The following RTN3 variants were observed in gnomAD, a reference collection of about 807,000 sequenced individuals.
RTN3 encodes reticulon-3.
RTN3 carries 49 observed loss-of-function variants against 77.8 expected under a neutral mutation model. The observed-to-expected ratio is 0.63, with a 90% CI of 0.50 to 0.80. The LOEUF is 0.80. Among genes scored for constraint, RTN3 ranks in the 30% least tolerant of loss-of-function variants. RTN3 has a pLI of 0.00. For missense variants in RTN3, 1,236 were observed against 1,211.9 expected (o/e 1.02, Z -0.29); for synonymous variants, 464 against 446.9 (o/e 1.04, Z -0.48).
At chr11:63,755,870 A>G (rs1389594307) in intron 7 of RTN3, among the ~76,000 whole-genome samples, 1 of 151,700 alleles carries the variant, frequency 6.6e-6, no homozygotes, top group African/African-American at 2.4e-5. Context: ...GAGGCAGGAG[A>G]ATGGCGTGAA....
chr11:63,756,183 A>G lies in RTN3; in HGVS notation c.3053+13A>G. On this transcript the variant is annotated intron_variant, in intron 8 of 8. Transcript: ENST00000377819. ...CAATTGTTGAAAAGTAAGTACATTT[A>G]GAGACCACATCATCATGAGGTATGC... is the stretch of plus-strand genomic sequence containing the variant. 6.3e-7 allele frequency: 1 copy of G among 1,587,936 alleles called. No homozygotes were observed. The highest frequency in any genetic ancestry group is 8.6e-7 in the Non-Finnish European group (1 of 1,156,154).
rs372106058 is a variant in RTN3 at position 63,728,024 on chromosome 11, A to G, written c.2530+6992A>G. ...GGCCAGTGATTTGCTAGAAGGACCC[A>G]TAGGACTCATAAACTGTAAACTAGC... On this transcript the variant is annotated intron_variant, in intron 3 of 8. Coordinates refer to ENST00000377819, the MANE Select transcript of RTN3 (RefSeq NM_001265589.2). Among the ~76,000 whole-genome samples, 474 of 152,312 alleles carry G rather than the reference A, an allele frequency of 3.1e-3. 24 individuals carry two copies. The South Asian group carries it at 0.092, about 30-fold the overall frequency.
intron 3 of RTN3, among the ~76,000 whole-genome samples, chr11:63,723,929 G>A (rs1039371709): frequency 3.3e-5 from 5 of 152,110 alleles, no homozygotes; most frequent in African/African-American, 1.2e-4. Context: ...TATTATAGTT[G>A]GTTGCTGAGT....
At chr11:63,743,406 G>A (rs572489700) in intron 3 of RTN3, among the ~76,000 whole-genome samples, 10 of 152,258 alleles carry the variant, frequency 6.6e-5, no homozygotes, top group African/African-American at 2.2e-4. Context: ...TTTCTCAAAT[G>A]CTTTTTTCTG....
At chr11:63,688,209 A>G (rs1266139067) in intron 1 of RTN3, among the ~76,000 whole-genome samples, 1 of 151,614 alleles carries the variant, frequency 6.6e-6, no homozygotes, top group East Asian at 1.9e-4. Flanking sequence ...TCCAAGAATA[A>G]GAAGTGTGTT....
intron 2 of RTN3, among the ~76,000 whole-genome samples, chr11:63,711,532 G>A (rs2134766355): frequency 6.6e-6 from 1 of 151,712 alleles, no homozygotes; most frequent in South Asian, 2.1e-4. Flanking sequence ...TGGAACCACA[G>A]GCGTGTGCCA....
chr11:63,713,846 A>G lies in RTN3; in HGVS notation c.200-4856A>G, dbSNP rs144868512. 1,172 of 317,486 alleles carry G rather than the reference A, an allele frequency of 3.7e-3. 9 individuals carry two copies. Among genetic ancestry groups the G allele is most frequent in the African/African-American group, 0.023 (1,040 of 45,960 alleles). The allele number at this position is 317,486 out of a possible 1,614,324, so 19.7% of individuals were successfully genotyped here. A position where few individuals can be genotyped will look rare whatever the true frequency, so the allele number is the denominator to read the frequency against. ...AGGGATGAATCTTTTGAGAAAAGAA[A>G]GATAGTAGACATTTTCTGAGACATA... On this transcript the variant is annotated intron_variant, in intron 2 of 8. Coordinates refer to ENST00000377819, the MANE Select transcript of RTN3 (RefSeq NM_001265589.2).
At chr11:63,706,208 G>T (rs1356600430) in intron 2 of RTN3, among the ~76,000 whole-genome samples, 1 of 151,964 alleles carries the variant, frequency 6.6e-6, no homozygotes, top group Non-Finnish European at 1.5e-5. Context: ...TTGAGATAGG[G>T]TCTCACTCTG....
Position 63,711,985 on chromosome 11 carries a change from C to T in RTN3, c.200-6717C>T, listed in dbSNP as rs2011171698. On this transcript the variant is annotated intron_variant, in intron 2 of 8. Transcript: ENST00000377819. Reference sequence around the variant, plus strand: ...GTGTTGACATTACAGGCATGAGCCACTATGCCAGGCTGGGCTCTCAAGCAT... The same window carrying T: ...GTGTTGACATTACAGGCATGAGCCATTATGCCAGGCTGGGCTCTCAAGCAT... Among the ~76,000 whole-genome samples, 3 of 152,348 alleles carry T rather than the reference C, an allele frequency of 2.0e-5. No homozygotes were observed. In the South Asian group the frequency reaches 6.2e-4, roughly 32 times the overall value.
intron 1 of RTN3, 84 bp downstream of exon 1, chr11:63,681,862 G>T: frequency 7.2e-7 from 1 of 1,382,582 alleles, no homozygotes; most frequent in South Asian, 1.4e-5. Flanking sequence ...CGAGGCGGGA[G>T]GAGGACGAAT....
In RTN3 at chr11:63,752,510, C is replaced by G. The variant is rs769575391; in HGVS notation, c.2742C>G (p.Ala914=). Residue 914 remains alanine, a synonymous_variant, in exon 5 of 9, where the codon GCC becomes GCG. Coordinates refer to ENST00000377819, the MANE Select transcript of RTN3 (RefSeq NM_001265589.2). ...QKSEEGHPFK[A]YLDVDITLSS... ...CTGTTATTTCTTCTTCTGGAAGAGC[C>G]TACCTGGACGTAGACATTACTCTGT... The G allele has an allele frequency of 6.2e-7, 1 of 1,612,724 alleles. No individual in the cohort carries two copies. The highest frequency in any genetic ancestry group is 1.7e-5 in the Admixed American group (1 of 59,958).
At chr11:63,734,914 C>A (rs1404866067) in intron 3 of RTN3, among the ~76,000 whole-genome samples, 2 of 152,062 alleles carry the variant, frequency 1.3e-5, no homozygotes, top group African/African-American at 4.8e-5. Context: ...CCTAAGAAAT[C>A]CACAAAACAA....
chr11:63,696,701 A>G (rs1941961143), intron 1 of RTN3, among the ~76,000 whole-genome samples: 2 of 149,866 alleles, frequency 1.3e-5, no homozygotes, highest in African/African-American at 2.5e-5. Flanking sequence ...GCCTGCCTCC[A>G]CACCCAGCTA....
chr11:63,720,453 C>A lies in RTN3; in HGVS notation c.1951C>A (p.Pro651Thr), dbSNP rs191736847. 6.2e-7 allele frequency: 1 copy of A among 1,612,896 alleles called. No individual in the cohort carries two copies. Among genetic ancestry groups the A allele is most frequent in the East Asian group, 2.2e-5 (1 of 44,856 alleles). ...TGTTAAACATATAGATGATTCCTCC[C>A]CAGAGGACCTGATAGCAGCCTTTAC... ...KNVKHIDDSS[P>T]EDLIAAFTET... The change falls in exon 3 of 9, where the codon CCA (proline) becomes ACA (threonine). Residue 651 changes from proline (P) to threonine (T), a missense_variant. Coordinates refer to ENST00000377819, the MANE Select transcript of RTN3 (RefSeq NM_001265589.2).
intron 1 of RTN3, among the ~76,000 whole-genome samples, chr11:63,699,767 G>T (rs1485571930): frequency 2.0e-5 from 3 of 152,072 alleles, no homozygotes. Context: ...ATTTACCATA[G>T]TGGCTGTCTC....
chr11:63,704,837 A>G lies in RTN3; in HGVS notation c.143-14A>G. 3.1e-6 allele frequency: 5 copies of G among 1,593,562 alleles called. No homozygotes were observed. Among genetic ancestry groups the G allele is most frequent in the Non-Finnish European group, 3.4e-6 (4 of 1,161,684 alleles). ...TGAGGTTGTCATATTCTCATGCTGT[A>G]TATTTTCTTTCAGATTCCTTTGTTT... is the stretch of plus-strand genomic sequence containing the variant. On this transcript the variant is annotated splice_polypyrimidine_tract_variant and intron_variant, in intron 1 of 8. Coordinates refer to ENST00000377819, the MANE Select transcript of RTN3 (RefSeq NM_001265589.2).
In RTN3 at chr11:63,735,563, T is replaced by TCTCTCTCC. The variant is rs1344955077; in HGVS notation, c.2531-14421_2531-14420insCCTCTCTC. On this transcript the variant is annotated intron_variant, in intron 3 of 8. Transcript: ENST00000377819. ...AGATTCTAACATTTCTCTCTCTCTC[T>TCTCTCTCC]CTCTCTCTCTCTCTCTCTCTCTCTC... Among the ~76,000 whole-genome samples the TCTCTCTCC allele has an allele frequency of 6.2e-3, 860 of 139,624 alleles. 8 individuals carry two copies. The highest frequency in any genetic ancestry group is 0.01 in the Non-Finnish European group (655 of 64,430). 91.6% of individuals were successfully genotyped at this position (139,624 alleles called of 152,430 possible).
intron 3 of RTN3, among the ~76,000 whole-genome samples, chr11:63,723,193 T>A (rs185563108): frequency 6.6e-6 from 1 of 152,314 alleles, no homozygotes; most frequent in African/African-American, 2.4e-5. Context: ...CCAAAGTCTA[T>A]GATTAGTGTA....
At chr11:63,694,320 G>T (rs1355741298) in intron 1 of RTN3, among the ~76,000 whole-genome samples, 1 of 151,976 alleles carries the variant, frequency 6.6e-6, no homozygotes, top group Non-Finnish European at 1.5e-5. Context: ...GGGATTACAG[G>T]CATGCGCCAC....
Sources: gnomAD v4.1 joint callset for allele counts (sites outside exome capture counted in the v4.1 genomes callset) on GRCh38, gnomAD v4.1.1 for gene constraint, MANE v1.5 for transcripts, NCBI Gene and HGNC (gene_info 2026-07-23, HGNC 2026-07-21) for gene names.